The following AGBL1 variants were observed in gnomAD, a reference collection of about 807,000 sequenced individuals.
AGBL1 encodes AGBL carboxypeptidase 1.
AGBL1 carries 130 observed loss-of-function variants against 118.9 expected under a neutral mutation model. The ratio of observed to expected loss-of-function variants is 1.09; its 90% CI spans 0.95 to 1.26. The LOEUF (loss-of-function observed/expected upper bound fraction) is 1.26. Ranked by LOEUF, AGBL1 falls within the 50% of genes most tolerant of loss-of-function variation. The pLI, the probability that AGBL1 is intolerant of heterozygous loss-of-function variation, is 0.00. For synonymous variants in AGBL1, 555 were observed against 478.9 expected, an observed-to-expected ratio of 1.16 and a Z score of -2.08; for missense variants, 1,584 against 1,298.1, an observed-to-expected ratio of 1.22 and a Z score of -3.38.
intron 18 of AGBL1, among the ~76,000 whole-genome samples, chr15:86,440,964 A>G (rs759685152): frequency 1.7e-4 from 26 of 152,220 alleles, no homozygotes; most frequent in Non-Finnish European, 2.2e-4. Context: ...AGGAGTGGAC[A>G]TTGGGGTCAG....
chr15:86,397,473 G>T lies in AGBL1; in HGVS notation c.2482G>T (p.Ala828Ser), dbSNP rs2081385104. 1 of 1,613,108 alleles carries T rather than the reference G, an allele frequency of 6.2e-7. No homozygotes were observed. ...LEFLVSSDPV[A>S]RLLRENFIFK... ...GTTCCTGGTCAGCAGTGACCCTGTG[G>T]CTAGGCTCTTGAGGGAAAACTTCAT... Residue 828 changes from alanine to serine, a missense_variant, in exon 18 of 23, where the codon GCT (alanine) becomes TCT (serine). Transcript: ENST00000614907.
intron 22 of AGBL1, among the ~76,000 whole-genome samples, chr15:86,824,948 T>G (rs1360568581): frequency 6.6e-6 from 1 of 151,920 alleles, no homozygotes; most frequent in Non-Finnish European, 1.5e-5. Flanking sequence ...TCCCAGCTAC[T>G]TGGGAGGCTG....
At chr15:86,531,025 C>A (rs1488899870) in intron 19 of AGBL1, among the ~76,000 whole-genome samples, 1 of 65,704 alleles carries the variant, frequency 1.5e-5, no homozygotes, top group Non-Finnish European at 2.6e-5. Flanking sequence ...CCAAAATTGA[C>A]ACCCTAACAT....
intron 22 of AGBL1, among the ~76,000 whole-genome samples, chr15:86,901,925 TAATATC>T: frequency 6.6e-6 from 1 of 152,260 alleles, no homozygotes; most frequent in Non-Finnish European, 1.5e-5. Flanking sequence ...GCAAAACTAT[TAATATC>T]AATATTAATA....
rs139032221 is a variant in AGBL1, at chr15:86,173,550, T to G, written c.488+14524T>G. On this transcript the variant is annotated intron_variant, in intron 5 of 22. Coordinates refer to ENST00000614907, the MANE Select transcript of AGBL1 (RefSeq NM_001386094.1). ...CCTTCTGAAGAATTTCTCCAGTGTT[T>G]TCTTCTAGTAGTTTCATAGTTTTGG... 3.5e-4 allele frequency among the ~76,000 whole-genome samples: 53 copies of G among 152,302 alleles called. No homozygotes were observed. The East Asian group carries it at 0.01, about 29-fold the overall frequency.
At chr15:86,844,561 T>G (rs1164053503) in intron 22 of AGBL1, among the ~76,000 whole-genome samples, 1 of 152,174 alleles carries the variant, frequency 6.6e-6, no homozygotes, top group Non-Finnish European at 1.5e-5. Flanking sequence ...TTAGGATTTT[T>G]GTCTACCTAT....
At chr15:86,292,068 G>C (rs1183519162) in intron 16 of AGBL1, among the ~76,000 whole-genome samples, 1 of 152,262 alleles carries the variant, frequency 6.6e-6, no homozygotes. Context: ...ATGTTGGCAT[G>C]GTAGGCAGAA....
chr15:86,582,733 C>G (rs2142334636), intron 21 of AGBL1, among the ~76,000 whole-genome samples: 1 of 152,138 alleles, frequency 6.6e-6, no homozygotes, highest in South Asian at 2.1e-4. Context: ...AAGCTGGAAA[C>G]TATCATTCTC....
intron 18 of AGBL1, among the ~76,000 whole-genome samples, chr15:86,449,888 G>T (rs1465762486): frequency 6.6e-6 from 1 of 152,098 alleles, no homozygotes; most frequent in Non-Finnish European, 1.5e-5. Flanking sequence ...GACATCCATG[G>T]CTCTGTAGGC....
chr15:86,291,987 G>A (rs186165563), intron 16 of AGBL1, among the ~76,000 whole-genome samples: 1 of 152,136 alleles, frequency 6.6e-6, no homozygotes, highest in Non-Finnish European at 1.5e-5. Context: ...ACTTAGTGTT[G>A]TGTCAAATCC....
At chr15:86,858,191 G>C (rs1046719879) in intron 22 of AGBL1, among the ~76,000 whole-genome samples, 6 of 152,002 alleles carry the variant, frequency 3.9e-5, no homozygotes, top group African/African-American at 1.5e-4. Context: ...GCTATAAGAG[G>C]GTATCACAGA....
At chr15:86,442,258 A>G (rs1470065182) in intron 18 of AGBL1, among the ~76,000 whole-genome samples, 1 of 152,148 alleles carries the variant, frequency 6.6e-6, no homozygotes, top group Non-Finnish European at 1.5e-5. Flanking sequence ...AGTGAAGGAG[A>G]TATTTCCCCC....
chr15:86,207,771 G>A (rs1056780999), intron 5 of AGBL1, among the ~76,000 whole-genome samples: 1 of 152,176 alleles, frequency 6.6e-6, no homozygotes, highest in Admixed American at 6.5e-5. Context: ...GGGAAAATTT[G>A]ACTTCCTCTT....
At chr15:86,764,849 T>C (rs541567769) in intron 22 of AGBL1, among the ~76,000 whole-genome samples, 1 of 152,200 alleles carries the variant, frequency 6.6e-6, no homozygotes, top group East Asian at 1.9e-4. Flanking sequence ...TGGGTGAATG[T>C]AGATTATACA....
At chr15:86,442,091 G>T (rs2082070903) in intron 18 of AGBL1, among the ~76,000 whole-genome samples, 1 of 152,218 alleles carries the variant, frequency 6.6e-6, no homozygotes, top group East Asian at 1.9e-4. Flanking sequence ...AGCAAAGCAT[G>T]GTTCGAGACA....
chr15:86,752,155 T>A (rs2141255274), intron 22 of AGBL1, among the ~76,000 whole-genome samples: 1 of 152,218 alleles, frequency 6.6e-6, no homozygotes, highest in South Asian at 2.1e-4. Flanking sequence ...TCTACTTATC[T>A]GTTTGTGTGC....
intron 21 of AGBL1, among the ~76,000 whole-genome samples, chr15:86,626,823 G>T (rs907173987): frequency 6.9e-6 from 1 of 145,392 alleles, no homozygotes; most frequent in Non-Finnish European, 1.5e-5. Context: ...CAATACAAGA[G>T]TAATATACTT....
chr15:86,766,753 G>A (rs532831384), intron 22 of AGBL1, among the ~76,000 whole-genome samples: 1 of 151,948 alleles, frequency 6.6e-6, no homozygotes, highest in Non-Finnish European at 1.5e-5. Context: ...TCAAAAATCT[G>A]GTCATTTGGG....
chr15:86,370,940 G>C (rs2080962969), intron 17 of AGBL1, among the ~76,000 whole-genome samples: 1 of 152,194 alleles, frequency 6.6e-6, no homozygotes, highest in Non-Finnish European at 1.5e-5. Context: ...AGCATGTGAA[G>C]GCTCTTGGGT....
Sources: gnomAD v4.1 joint callset for allele counts (sites outside exome capture counted in the v4.1 genomes callset) on GRCh38, gnomAD v4.1.1 for gene constraint, MANE v1.5 for transcripts, NCBI Gene and HGNC (gene_info 2026-07-23, HGNC 2026-07-21) for gene names.